Variants in UNC5D observed in about 807,000 individuals in gnomAD.
The protein encoded by UNC5D is unc-5 netrin receptor D, also known as netrin receptor UNC5D.
In UNC5D, 39 loss-of-function variants were observed where a neutral mutation model predicts 105.4. That is an observed-to-expected ratio of 0.37 (90% CI 0.29 to 0.48). The LOEUF (loss-of-function observed/expected upper bound fraction) is 0.48. Ranked by LOEUF, UNC5D falls within the 20% of genes least tolerant of loss-of-function variation. The pLI is 0.98. For missense variants in UNC5D, 991 were observed against 1,202.4 expected, an observed-to-expected ratio of 0.82 and a Z score of 2.60; for synonymous variants, 452 against 450.4, an observed-to-expected ratio of 1.00 and a Z score of -0.04.
chr8:35,688,100 C>A (rs2131360193), intron 7 of UNC5D, among the ~76,000 whole-genome samples: 1 of 152,052 alleles, frequency 6.6e-6, no homozygotes, highest in Admixed American at 6.5e-5. Context: ...CCACTGCACT[C>A]CAGCCTGGGT....
intron 4 of UNC5D, among the ~76,000 whole-genome samples, chr8:35,654,362 C>T (rs28497090): frequency 0.18 from 27,759 of 152,094 alleles, 5,775 homozygotes; most frequent in African/African-American, 0.51. Flanking sequence ...GTGGACAGGG[C>T]TTTTTCTAGT....
At chr8:35,417,735 A>C (rs1015644691) in intron 1 of UNC5D, among the ~76,000 whole-genome samples, 1 of 152,086 alleles carries the variant, frequency 6.6e-6, no homozygotes, top group Admixed American at 6.5e-5. Context: ...TTTGTTATTA[A>C]ATTTCCCTCT....
At chr8:35,601,770 T>A (rs572997743) in intron 4 of UNC5D, among the ~76,000 whole-genome samples, 1 of 152,304 alleles carries the variant, frequency 6.6e-6, no homozygotes, top group African/African-American at 2.4e-5. Flanking sequence ...CTTCCTCTTT[T>A]CCTAATTGAA....
intron 8 of UNC5D, among the ~76,000 whole-genome samples, chr8:35,718,840 A>G (rs1828406952): frequency 1.3e-5 from 2 of 152,096 alleles, no homozygotes; most frequent in Non-Finnish European, 1.5e-5. Context: ...CGGGGGGTAT[A>G]TGTTACACTG....
chr8:35,301,424 A>T (rs368433962), intron 1 of UNC5D, among the ~76,000 whole-genome samples: 13 of 152,330 alleles, frequency 8.5e-5, no homozygotes, highest in Admixed American at 7.8e-4. Context: ...CAATTCATCA[A>T]TCAGGCAGCA....
At chr8:35,657,074 GTGTGTGTATA>G (rs1338145835) in intron 4 of UNC5D, among the ~76,000 whole-genome samples, 3 of 96,584 alleles carry the variant, frequency 3.1e-5, no homozygotes, top group African/African-American at 9.7e-5. Context: ...GTGTGTGTGT[GTGTGTGTATA>G]TATATATATA....
At chr8:35,549,024 G>A (rs868029028) in intron 1 of UNC5D, among the ~76,000 whole-genome samples, 3 of 152,196 alleles carry the variant, frequency 2.0e-5, no homozygotes, top group Middle Eastern at 3.4e-3. Flanking sequence ...AAAGACGCTC[G>A]GATTCAAAAC....
chr8:35,777,104 A>G (rs1475093644), intron 16 of UNC5D, among the ~76,000 whole-genome samples: 1 of 152,230 alleles, frequency 6.6e-6, no homozygotes, highest in Non-Finnish European at 1.5e-5. Context: ...AAATACAAAA[A>G]TTAGCTGGGC....
intron 4 of UNC5D, among the ~76,000 whole-genome samples, chr8:35,624,053 C>G (rs908675296): frequency 1.3e-5 from 2 of 151,954 alleles, no homozygotes. Context: ...GCACTCCAGC[C>G]TGGGCGACAC....
At chr8:35,351,027 T>G (rs1812198101) in intron 1 of UNC5D, among the ~76,000 whole-genome samples, 1 of 152,102 alleles carries the variant, frequency 6.6e-6, no homozygotes, top group African/African-American at 2.4e-5. Flanking sequence ...GTGAGAATAT[T>G]TCTTTCTGCT....
intron 1 of UNC5D, among the ~76,000 whole-genome samples, chr8:35,408,645 A>G (rs1426885469): frequency 1.3e-5 from 2 of 151,860 alleles, no homozygotes; most frequent in Middle Eastern, 3.2e-3. Context: ...GGTATTTCCT[A>G]TATTAAAGAG....
intron 1 of UNC5D, among the ~76,000 whole-genome samples, chr8:35,300,636 G>A (rs1807882992): frequency 6.6e-6 from 1 of 151,906 alleles, no homozygotes; most frequent in African/African-American, 2.4e-5. Flanking sequence ...AGTAACTTTG[G>A]AAAACAATAT....
At chr8:35,408,230 A>C (rs1192009610) in intron 1 of UNC5D, among the ~76,000 whole-genome samples, 1 of 152,076 alleles carries the variant, frequency 6.6e-6, no homozygotes, top group Non-Finnish European at 1.5e-5. Context: ...GTTTACTTTT[A>C]GTTTACTCAG....
chr8:35,416,574 T>C (rs1805548034), intron 1 of UNC5D, among the ~76,000 whole-genome samples: 1 of 152,226 alleles, frequency 6.6e-6, no homozygotes, highest in Non-Finnish European at 1.5e-5. Context: ...TGGTTAAATG[T>C]GTAAGAAAAT....
intron 1 of UNC5D, among the ~76,000 whole-genome samples, chr8:35,349,339 CA>C: frequency 6.6e-6 from 1 of 152,054 alleles, no homozygotes; most frequent in East Asian, 1.9e-4. Flanking sequence ...TTTGTCACTT[CA>C]AACAATGATC....
chr8:35,428,401 G>T (rs1385194352), intron 1 of UNC5D, among the ~76,000 whole-genome samples: 3 of 146,986 alleles, frequency 2.0e-5, no homozygotes, highest in Non-Finnish European at 4.5e-5. Context: ...GCCCATGCGG[G>T]TCTCAAACTC....
intron 1 of UNC5D, among the ~76,000 whole-genome samples, chr8:35,547,110 G>A (rs1457902242): frequency 4.6e-5 from 7 of 152,062 alleles, no homozygotes; most frequent in Non-Finnish European, 7.4e-5. Context: ...TTACATTTAA[G>A]TTTAATTTGT....
At chr8:35,381,646 T>C (rs949641379) in intron 1 of UNC5D, among the ~76,000 whole-genome samples, 2 of 151,270 alleles carry the variant, frequency 1.3e-5, no homozygotes, top group African/African-American at 4.9e-5. Flanking sequence ...CTTAATCTCG[T>C]GCATGTTTTT....
intron 1 of UNC5D, among the ~76,000 whole-genome samples, chr8:35,492,679 T>C (rs1811289025): frequency 6.6e-6 from 1 of 152,092 alleles, no homozygotes; most frequent in African/African-American, 2.4e-5. Flanking sequence ...GAGGCTTAAA[T>C]GGGCTATTCA....
Sources: allele counts gnomAD v4.1 joint callset (sites outside exome capture counted in the v4.1 genomes callset), GRCh38; gene constraint gnomAD v4.1.1; transcripts MANE v1.5; gene names NCBI Gene and HGNC (gene_info 2026-07-23, HGNC 2026-07-21).